The following CDKAL1 variants were observed in gnomAD, a reference collection of about 807,000 sequenced individuals.
CDKAL1 encodes CDKAL1 threonylcarbamoyladenosine tRNA methylthiotransferase, also known as threonylcarbamoyladenosine tRNA methylthiotransferase.
In CDKAL1, 32 loss-of-function variants were observed where a neutral mutation model predicts 68.2. The ratio of observed to expected loss-of-function variants is 0.47; its 90% CI spans 0.35 to 0.63. CDKAL1 has a LOEUF of 0.63. Among genes scored for constraint, CDKAL1 ranks in the 30% least tolerant of loss-of-function variants. The pLI is 0.00. For missense variants in CDKAL1, 606 were observed against 696.7 expected (o/e 0.87, Z 1.47); for synonymous variants, 234 against 244.3 (o/e 0.96, Z 0.39).
intron 13 of CDKAL1, among the ~76,000 whole-genome samples, chr6:21,161,606 T>C (rs904621514): frequency 5.3e-5 from 8 of 152,214 alleles, no homozygotes; most frequent in African/African-American, 1.9e-4. Context: ...GTGATCTACG[T>C]TTCAGATTTA....
At chr6:21,138,996 T>C (rs1219623629) in intron 13 of CDKAL1, among the ~76,000 whole-genome samples, 4 of 152,200 alleles carry the variant, frequency 2.6e-5, no homozygotes, top group Non-Finnish European at 4.4e-5. Flanking sequence ...AGAGAGAATG[T>C]GAGAGGCACG....
intron 4 of CDKAL1, among the ~76,000 whole-genome samples, chr6:20,552,053 A>T (rs75302902): frequency 6.6e-6 from 1 of 151,118 alleles, no homozygotes; most frequent in African/African-American, 2.4e-5. Context: ...AAAAAAAAAA[A>T]GGCTGGGTGT....
At chr6:20,750,286 G>T (rs962162218) in intron 6 of CDKAL1, among the ~76,000 whole-genome samples, 2 of 152,084 alleles carry the variant, frequency 1.3e-5, no homozygotes, top group Non-Finnish European at 2.9e-5. Context: ...TTCCAGGCTG[G>T]TCTCAAACTC....
intron 13 of CDKAL1, among the ~76,000 whole-genome samples, chr6:21,170,709 C>T (rs1357206161): frequency 6.6e-6 from 1 of 152,050 alleles, no homozygotes; most frequent in Non-Finnish European, 1.5e-5. Context: ...TAAAATGTTT[C>T]TGATGCAATG....
At chr6:21,167,321 A>C (rs1332024782) in intron 13 of CDKAL1, among the ~76,000 whole-genome samples, 1 of 152,232 alleles carries the variant, frequency 6.6e-6, no homozygotes, top group African/African-American at 2.4e-5. Flanking sequence ...CAACCAGCTG[A>C]CTTAATCATT....
intron 12 of CDKAL1, among the ~76,000 whole-genome samples, chr6:21,106,156 G>C (rs1231098466): frequency 6.6e-6 from 1 of 152,200 alleles, no homozygotes; most frequent in Non-Finnish European, 1.5e-5. Context: ...GGCTGGCAAA[G>C]ATGTTTGTGC....
chr6:21,206,251 G>T (rs1053791083), intron 15 of CDKAL1, among the ~76,000 whole-genome samples: 1 of 151,648 alleles, frequency 6.6e-6, no homozygotes, highest in African/African-American at 2.4e-5. Flanking sequence ...ACTTACACTG[G>T]ATACAAAAAA....
At chr6:20,599,381 G>A (rs1362026058) in intron 4 of CDKAL1, 3 of 454,480 alleles carry the variant, frequency 6.6e-6, no homozygotes, top group Non-Finnish European at 1.3e-5. Flanking sequence ...ATTTCAGGTT[G>A]AGTGTACGTT....
At chr6:21,061,395 A>T (rs181211043) in intron 11 of CDKAL1, among the ~76,000 whole-genome samples, 1 of 152,266 alleles carries the variant, frequency 6.6e-6, no homozygotes, top group East Asian at 1.9e-4. Context: ...GTATGAAAAC[A>T]TACATAAAGT....
chr6:21,098,524 G>A (rs79561813), intron 12 of CDKAL1, among the ~76,000 whole-genome samples: 1 of 145,250 alleles, frequency 6.9e-6, no homozygotes, highest in Middle Eastern at 3.6e-3. Flanking sequence ...GAGGTTAAAC[G>A]GGTACACAGC....
chr6:20,887,415 C>G (rs561314765), intron 9 of CDKAL1, among the ~76,000 whole-genome samples: 1 of 151,974 alleles, frequency 6.6e-6, no homozygotes, highest in South Asian at 2.1e-4. Context: ...TAGAAACAGC[C>G]CATGTGTTTA....
chr6:20,739,775 TGTAA>T (rs1343889159), intron 6 of CDKAL1, among the ~76,000 whole-genome samples, 160 bp downstream of exon 6: 1 of 152,230 alleles, frequency 6.6e-6, no homozygotes, highest in Admixed American at 6.5e-5. Flanking sequence ...GTCATTTCTG[TGTAA>T]CTTTTTCACC....
chr6:20,998,347 C>T (rs865848239), intron 10 of CDKAL1, among the ~76,000 whole-genome samples: 18 of 152,268 alleles, frequency 1.2e-4, no homozygotes, highest in East Asian at 7.7e-4. Context: ...CGCGGTGGCT[C>T]ACGCCTGTAA....
chr6:21,089,441 C>T (rs751033834), intron 12 of CDKAL1, among the ~76,000 whole-genome samples: 6 of 152,162 alleles, frequency 3.9e-5, no homozygotes, highest in Non-Finnish European at 8.8e-5. Context: ...CCTTCCACTA[C>T]ATTCCAGCCT....
intron 10 of CDKAL1, among the ~76,000 whole-genome samples, chr6:20,980,603 C>T (rs1766093229): frequency 1.3e-5 from 2 of 152,154 alleles, no homozygotes; most frequent in African/African-American, 4.8e-5. Flanking sequence ...TTCACCAAAA[C>T]AGCATAAATA....
intron 5 of CDKAL1, among the ~76,000 whole-genome samples, chr6:20,669,169 C>T (rs1769692722): frequency 6.6e-6 from 1 of 152,130 alleles, no homozygotes; most frequent in Non-Finnish European, 1.5e-5. Context: ...GTACTGTGCA[C>T]ATATCCTATT....
chr6:20,609,968 C>T (rs1278429597), intron 4 of CDKAL1, among the ~76,000 whole-genome samples: 3 of 152,104 alleles, frequency 2.0e-5, no homozygotes, highest in Non-Finnish European at 1.5e-5. Flanking sequence ...GTGCGTTGTT[C>T]CCCTCTATGT....
At chr6:20,937,175 A>ACCTC (rs1407353279) in intron 9 of CDKAL1, among the ~76,000 whole-genome samples, 1 of 151,308 alleles carries the variant, frequency 6.6e-6, no homozygotes, top group East Asian at 1.9e-4. Flanking sequence ...TGCAGCCTTG[A>ACCTC]CCTCCCTGGC....
At chr6:20,823,805 T>C (rs1390963944) in intron 8 of CDKAL1, among the ~76,000 whole-genome samples, 1 of 152,184 alleles carries the variant, frequency 6.6e-6, no homozygotes, top group African/African-American at 2.4e-5. Context: ...TGAGAATTAC[T>C]ACATTTTGTA....
Sources: gnomAD v4.1 joint callset for allele counts (sites outside exome capture counted in the v4.1 genomes callset) on GRCh38, gnomAD v4.1.1 for gene constraint, MANE v1.5 for transcripts, NCBI Gene and HGNC (gene_info 2026-07-23, HGNC 2026-07-21) for gene names.